Variants in PKN2 observed in about 807,000 individuals in gnomAD.
PKN2 encodes the protein serine/threonine-protein kinase N2.
PKN2 carries 38 observed loss-of-function variants against 119.1 expected under a neutral mutation model. That is an observed-to-expected ratio of 0.32 (90% CI 0.25 to 0.42). The LOEUF (loss-of-function observed/expected upper bound fraction) is 0.42, where lower values mean the gene tolerates loss of function less well. PKN2 is among the 10% of genes least tolerant of loss of function. The pLI, the probability that PKN2 is intolerant of heterozygous loss-of-function variation, is 1.00. For synonymous variants in PKN2, 390 were observed against 384.9 expected (o/e 1.01, Z -0.15); for missense variants, 850 against 1,165.1 (o/e 0.73, Z 3.94).
At chr1:88,784,920 T>C (rs1670511059) in intron 7 of PKN2, 96 bp downstream of exon 7, 1 of 568,330 alleles carries the variant, frequency 1.8e-6, no homozygotes, top group Non-Finnish European at 2.8e-6. Context: ...ACTTTAAAAT[T>C]ATGGTTTTTA....
At chr1:88,758,455 T>C (rs1268899449) in intron 2 of PKN2, among the ~76,000 whole-genome samples, 1 of 152,172 alleles carries the variant, frequency 6.6e-6, no homozygotes, top group African/African-American at 2.4e-5. Context: ...GGGGTTTTAT[T>C]ATACAGATTA....
intron 1 of PKN2, among the ~76,000 whole-genome samples, chr1:88,712,010 TC>T (rs199688066): frequency 6.6e-6 from 1 of 152,252 alleles, no homozygotes; most frequent in East Asian, 1.9e-4. Context: ...CTTACTTTTT[TC>T]CCTCTAAGCC....
chr1:88,735,406 T>A (rs959477602), intron 1 of PKN2, among the ~76,000 whole-genome samples: 1 of 152,042 alleles, frequency 6.6e-6, no homozygotes, highest in Non-Finnish European at 1.5e-5. Context: ...AAGCAGTCCT[T>A]CCACCTTGGC....
At chr1:88,782,510 T>A (rs1055376923) in intron 6 of PKN2, among the ~76,000 whole-genome samples, 2 of 152,194 alleles carry the variant, frequency 1.3e-5, no homozygotes, top group Non-Finnish European at 2.9e-5. Flanking sequence ...CTTTGTTTAT[T>A]CTCAAGTCTT....
At chr1:88,806,592 T>G (rs951456968) in intron 12 of PKN2, among the ~76,000 whole-genome samples, 6 of 152,216 alleles carry the variant, frequency 3.9e-5, no homozygotes, top group African/African-American at 9.6e-5. Context: ...CCAGAAGAGA[T>G]AGAATAGGCT....
intron 1 of PKN2, among the ~76,000 whole-genome samples, chr1:88,736,650 C>T (rs545902171): frequency 6.6e-6 from 1 of 152,252 alleles, no homozygotes; most frequent in South Asian, 2.1e-4. Context: ...CCACTGTGCC[C>T]GACCCCTGAA....
chr1:88,806,940 A>G (rs1284917580), intron 12 of PKN2, among the ~76,000 whole-genome samples: 2 of 149,914 alleles, frequency 1.3e-5, no homozygotes, highest in Non-Finnish European at 3.0e-5. Context: ...CTGCTCTTGA[A>G]CTCCTGATCT....
At chr1:88,726,134 T>A (rs114968435) in intron 1 of PKN2, among the ~76,000 whole-genome samples, 3 of 152,308 alleles carry the variant, frequency 2.0e-5, no homozygotes, top group Admixed American at 6.5e-5. Context: ...GACCCTGTTA[T>A]CTGCTAATAG....
Position 88,684,308 on chromosome 1 carries a change from G to C in PKN2, c.-273G>C. 1 of 393,986 alleles carries C rather than the reference G, an allele frequency of 2.5e-6. No homozygotes were observed. The highest frequency in any genetic ancestry group is 4.6e-6 in the Non-Finnish European group (1 of 219,468). The allele number at this position is 393,986 out of a possible 1,614,324, so 24.4% of individuals were successfully genotyped here. On this transcript the variant is annotated 5_prime_UTR_variant, in exon 1 of 22. Transcript: ENST00000370521. ...CGCCCGCACGGAGAGGCTTGAGGCG[G>C]CTCCTGGCGTCGCCCAGAGGGAGCG... is the stretch of plus-strand genomic sequence containing the variant.
At chr1:88,720,841 T>C (rs1482292038) in intron 1 of PKN2, among the ~76,000 whole-genome samples, 1 of 152,170 alleles carries the variant, frequency 6.6e-6, no homozygotes, top group East Asian at 1.9e-4. Flanking sequence ...TTGCATCTCA[T>C]AGCTTAGCTC....
At chr1:88,753,796 A>T (rs969433242) in intron 2 of PKN2, among the ~76,000 whole-genome samples, 2 of 151,706 alleles carry the variant, frequency 1.3e-5, no homozygotes, top group African/African-American at 4.9e-5. Context: ...TGATCCAGTC[A>T]CCTCCCGCCA....
chr1:88,817,408 C>CAA (rs531465698), intron 16 of PKN2, among the ~76,000 whole-genome samples: 68 of 84,770 alleles, frequency 8.0e-4, no homozygotes, highest in Admixed American at 1.9e-3. Context: ...GACTCTGTCT[C>CAA]AAAAAAAAAA....
intron 18 of PKN2, among the ~76,000 whole-genome samples, chr1:88,826,647 ACT>A (rs1386578834): frequency 2.6e-5 from 4 of 151,878 alleles, no homozygotes; most frequent in African/African-American, 9.7e-5. Context: ...GGTATTATTA[ACT>A]CTCATATACA....
intron 1 of PKN2, among the ~76,000 whole-genome samples, chr1:88,725,527 CTTGT>C (rs1480128407): frequency 2.0e-5 from 3 of 152,088 alleles, no homozygotes; most frequent in Admixed American, 6.5e-5. Flanking sequence ...TTTTTATGTG[CTTGT>C]TTGCCGTTAT....
intron 2 of PKN2, among the ~76,000 whole-genome samples, chr1:88,758,576 A>G (rs944681791): frequency 2.6e-5 from 4 of 151,924 alleles, no homozygotes; most frequent in East Asian, 1.9e-4. Context: ...GTTCTCCTCT[A>G]TGTGTCCATG....
chr1:88,718,465 T>C (rs1667544735), intron 1 of PKN2, among the ~76,000 whole-genome samples: 1 of 152,170 alleles, frequency 6.6e-6, no homozygotes, highest in Non-Finnish European at 1.5e-5. Context: ...TAGTTTTGTT[T>C]TGATGTATTA....
At chr1:88,808,174 T>C (rs1671628302) in intron 15 of PKN2, among the ~76,000 whole-genome samples, 1 of 152,226 alleles carries the variant, frequency 6.6e-6, no homozygotes, top group South Asian at 2.1e-4. Flanking sequence ...GTTTAAAGTA[T>C]TTTACAAAGC....
chr1:88,746,609 G>A (rs1469705838), intron 2 of PKN2, among the ~76,000 whole-genome samples: 1 of 152,028 alleles, frequency 6.6e-6, no homozygotes, highest in Non-Finnish European at 1.5e-5. Flanking sequence ...TGGAAGGTAA[G>A]TGATGGCAAG....
intron 1 of PKN2, among the ~76,000 whole-genome samples, chr1:88,699,270 G>T (rs1169767305): frequency 6.6e-6 from 1 of 151,638 alleles, no homozygotes; most frequent in African/African-American, 2.4e-5. Flanking sequence ...TTTTCTTTCG[G>T]CTCACTAACT....
Sources: allele counts gnomAD v4.1 joint callset (sites outside exome capture counted in the v4.1 genomes callset), GRCh38; gene constraint gnomAD v4.1.1; transcripts MANE v1.5; gene names NCBI Gene and HGNC (gene_info 2026-07-23, HGNC 2026-07-21).